OSTC: variants seen among roughly 807,000 people sequenced by gnomAD.
OSTC encodes the protein oligosaccharyltransferase complex subunit OSTC.
OSTC carries 16 observed loss-of-function variants against 16.4 expected under a neutral mutation model. That is an observed-to-expected ratio of 0.98 (90% CI 0.66 to 1.49). The LOEUF (loss-of-function observed/expected upper bound fraction) is 1.49. Among genes scored for constraint, OSTC ranks in the 40% most tolerant of loss-of-function variants. The pLI is 0.00. For synonymous variants in OSTC, 67 were observed against 68.5 expected (o/e 0.98, Z 0.11); for missense variants, 139 against 186.3 (o/e 0.75, Z 1.48).
intron 3 of OSTC, among the ~76,000 whole-genome samples, chr4:108,664,116 C>T (rs181453786): frequency 2.0e-4 from 30 of 149,484 alleles, no homozygotes; most frequent in African/African-American, 5.9e-4. Context: ...AACATGGTAT[C>T]GTTATAACAT....
chr4:108,651,407 CAGA>C (rs1726539373), intron 1 of OSTC: 1 of 152,560 alleles, frequency 6.6e-6, no homozygotes, highest in African/African-American at 2.4e-5. Context: ...ATGAGATTTG[CAGA>C]CGATACTGTA....
chr4:108,658,687 A>T (rs1242127458), intron 3 of OSTC, among the ~76,000 whole-genome samples: 1 of 152,076 alleles, frequency 6.6e-6, no homozygotes, highest in Non-Finnish European at 1.5e-5. Context: ...AGCTCTTAGT[A>T]TTTTATTTTT....
Position 108,650,738 on chromosome 4 carries a change from C to T in OSTC, c.83C>T (p.Pro28Leu). The change falls in exon 1 of 4, where the codon CCG (proline) becomes CTG (leucine). Residue 28 changes from proline (P) to leucine (L), a missense_variant. By Grantham distance (98) the Pro-to-Leu change is moderately conservative. Transcript: ENST00000361564. ...KLKKPPWLHMPSAMTVYALVV... is the reference protein window; with the variant it reads ...KLKKPPWLHMLSAMTVYALVV... The stretch of plus-strand genomic sequence containing the variant: ...AAGAAGCCGCCCTGGTTGCACATGC[C>T]GTCGGCCATGACTGTGTATGCTCTG... 1.9e-6 allele frequency: 3 copies of T among 1,614,226 alleles called. No homozygotes were observed. Among genetic ancestry groups the T allele is most frequent in the Non-Finnish European group, 1.7e-6 (2 of 1,180,040 alleles).
chr4:108,652,341 C>G (rs1367961749), intron 1 of OSTC: 1 of 152,120 alleles, frequency 6.6e-6, no homozygotes, highest in South Asian at 2.1e-4. Context: ...TCCTGTAACC[C>G]TTACTTCCCT....
Position 108,667,254 on chromosome 4 carries a change from C to T in OSTC, c.439C>T (p.Leu147=). The change falls in exon 4 of 4, where the codon CTG becomes TTG. Residue 147 remains leucine, a synonymous_variant. Transcript: ENST00000361564. ...ATAATTATATTTCTGCAGGGGCTAT[C>T]TGATGGGTTAGAGTGCCTTTGAGAA... The part of the protein sequence containing the change: ...VFMRMKLPGY[L]MG The T allele has an allele frequency of 6.2e-7, 1 of 1,609,242 alleles. No individual in the cohort carries two copies. Among genetic ancestry groups the T allele is most frequent in the Non-Finnish European group, 8.5e-7 (1 of 1,177,256 alleles).
chr4:108,662,375 T>C (rs907535243), intron 3 of OSTC, among the ~76,000 whole-genome samples: 6 of 152,252 alleles, frequency 3.9e-5, no homozygotes, highest in African/African-American at 1.4e-4. Context: ...AAGCGTTTGT[T>C]GTGTTGTATT....
chr4:108,657,648 G>GT lies in OSTC; in HGVS notation c.431+2dup, dbSNP rs1560623555. Reference sequence around the variant, plus strand: ...GAGTATTCATGAGAATGAAACTGCCGTAAGTTATTTGTGTAATCAGCACCT... The same window carrying GT: ...GAGTATTCATGAGAATGAAACTGCCGTTAAGTTATTTGTGTAATCAGCACCT... On this transcript the variant is annotated splice_donor_variant, in intron 3 of 3. Transcript: ENST00000361564. LOFTEE classifies it high-confidence loss of function. The GT allele has an allele frequency of 1.2e-6, 2 of 1,608,782 alleles. No homozygotes were observed. Among genetic ancestry groups the GT allele is most frequent in the Admixed American group, 1.7e-5 (1 of 59,840 alleles).
intron 3 of OSTC, among the ~76,000 whole-genome samples, chr4:108,664,558 A>G (rs569982179): frequency 6.6e-6 from 1 of 151,856 alleles, no homozygotes; most frequent in African/African-American, 2.4e-5. Flanking sequence ...AGGTCTTTAA[A>G]TTCAATGTAT....
intron 3 of OSTC, among the ~76,000 whole-genome samples, chr4:108,666,428 G>C (rs1275041752): frequency 6.6e-6 from 1 of 152,018 alleles, no homozygotes; most frequent in African/African-American, 2.4e-5. Flanking sequence ...AAGAGGGAAG[G>C]GCCAGGCGCG....
intron 1 of OSTC, 131 bp from the exon 2 acceptor site, chr4:108,655,431 ACT>A: frequency 1.9e-6 from 1 of 527,336 alleles, no homozygotes; most frequent in East Asian, 3.8e-5. Context: ...GCGCCACTGC[ACT>A]CTCAACCTGG....
chr4:108,660,532 A>G (rs1162054009), intron 3 of OSTC, among the ~76,000 whole-genome samples: 1 of 152,210 alleles, frequency 6.6e-6, no homozygotes, highest in African/African-American at 2.4e-5. Flanking sequence ...GAAAGGGTGT[A>G]TCTTTCTTCT....
At chr4:108,651,712 G>A (rs2110379800) in intron 1 of OSTC, among the ~76,000 whole-genome samples, 1 of 152,262 alleles carries the variant, frequency 6.6e-6, no homozygotes, top group African/African-American at 2.4e-5. Context: ...GGGAAGTGGT[G>A]TACTTAACCT....
chr4:108,661,199 C>G (rs148603584), intron 3 of OSTC, among the ~76,000 whole-genome samples: 1 of 126,328 alleles, frequency 7.9e-6, no homozygotes, highest in Non-Finnish European at 1.6e-5. Context: ...GGCTTGGTGA[C>G]AGAGTGGGAC....
intron 3 of OSTC, among the ~76,000 whole-genome samples, chr4:108,660,901 A>G (rs913385862): frequency 6.6e-6 from 1 of 152,126 alleles, no homozygotes; most frequent in African/African-American, 2.4e-5. Context: ...TGATGTCTTG[A>G]GTTTTGAAGA....
intron 3 of OSTC, 110 bp from the exon 4 acceptor site, chr4:108,667,137 G>T: frequency 1.2e-6 from 1 of 817,084 alleles, no homozygotes; most frequent in Non-Finnish European, 1.9e-6. Flanking sequence ...TTTTTGGATT[G>T]TTATTTGATA....
intron 1 of OSTC, among the ~76,000 whole-genome samples, chr4:108,654,035 G>C (rs907410638): frequency 6.6e-6 from 1 of 152,188 alleles, no homozygotes; most frequent in Non-Finnish European, 1.5e-5. Context: ...TAGAGAGGTA[G>C]CAAGAAAACA....
At chr4:108,653,890 C>T (rs1225050871) in intron 1 of OSTC, among the ~76,000 whole-genome samples, 1 of 152,104 alleles carries the variant, frequency 6.6e-6, no homozygotes. Context: ...GAGGCCTTGG[C>T]ACATCACATT....
intron 3 of OSTC, among the ~76,000 whole-genome samples, chr4:108,665,876 G>A (rs1483970765): frequency 6.6e-6 from 1 of 151,524 alleles, no homozygotes; most frequent in African/African-American, 2.4e-5. Flanking sequence ...TCTTAATGTG[G>A]ATACTTGTAC....
intron 3 of OSTC, among the ~76,000 whole-genome samples, chr4:108,663,634 T>C (rs916006945): frequency 6.6e-5 from 10 of 152,234 alleles, no homozygotes; most frequent in Non-Finnish European, 1.5e-4. Context: ...GGCCTTGTGA[T>C]TTTTGAGCAA....
Sources: allele counts gnomAD v4.1 joint callset (sites outside exome capture counted in the v4.1 genomes callset), GRCh38; gene constraint gnomAD v4.1.1; transcripts MANE v1.5; gene names NCBI Gene and HGNC (gene_info 2026-07-23, HGNC 2026-07-21).